NRCAM: variants seen among roughly 807,000 people sequenced by gnomAD.
The protein encoded by NRCAM is neuronal cell adhesion molecule.
NRCAM carries 83 observed loss-of-function variants against 156.5 expected under a neutral mutation model. The observed-to-expected ratio is 0.53, with a 90% CI of 0.44 to 0.64. The LOEUF (loss-of-function observed/expected upper bound fraction) is 0.64, where lower values mean the gene tolerates loss of function less well. NRCAM is among the 30% of genes least tolerant of loss of function. The pLI is 0.00. For missense variants in NRCAM, 1,417 were observed against 1,597.3 expected, an observed-to-expected ratio of 0.89 and a Z score of 1.92; for synonymous variants, 538 against 563.9, an observed-to-expected ratio of 0.95 and a Z score of 0.65.
chr7:108,297,816 C>A (rs771905254), intron 3 of NRCAM, among the ~76,000 whole-genome samples: 1 of 152,224 alleles, frequency 6.6e-6, no homozygotes, highest in Non-Finnish European at 1.5e-5. Context: ...TGTGTATATG[C>A]ACATGCGTAA....
At chr7:108,404,693 G>C (rs949260437) in intron 1 of NRCAM, among the ~76,000 whole-genome samples, 1 of 152,140 alleles carries the variant, frequency 6.6e-6, no homozygotes, top group Non-Finnish European at 1.5e-5. Flanking sequence ...AACTTAATGA[G>C]GTATGCAATT....
intron 1 of NRCAM, among the ~76,000 whole-genome samples, chr7:108,414,681 A>G (rs1321255350): frequency 6.6e-6 from 1 of 152,008 alleles, no homozygotes; most frequent in Admixed American, 6.5e-5. Flanking sequence ...CTCAGTGTAC[A>G]GGGCCCAGAA....
At chr7:108,276,264 T>G (rs1303602045) in intron 3 of NRCAM, among the ~76,000 whole-genome samples, 1 of 152,146 alleles carries the variant, frequency 6.6e-6, no homozygotes, top group African/African-American at 2.4e-5. Flanking sequence ...TGTTCCAGAG[T>G]TGAGTTCAAG....
At position 108,399,580 on chromosome 7, in the gene NRCAM, T is replaced by C. The variant is rs2099785877; in HGVS notation, c.-318A>G. 6.6e-6 allele frequency: 1 copy of C among 152,230 alleles called. No individual in the cohort carries two copies. The highest frequency in any genetic ancestry group is 2.1e-4 in the South Asian group (1 of 4,828). 9.4% of individuals were successfully genotyped at this position (152,230 alleles called of 1,614,324 possible). On this transcript the variant is annotated 5_prime_UTR_variant, in exon 2 of 33. Transcript: ENST00000379028. ...GGGGATAAAGAATGCTGAGAGAGAA[T>C]GTCACAAAGATTCCTGAAAAAGAAA...
intron 11 of NRCAM, among the ~76,000 whole-genome samples, chr7:108,221,472 G>T (rs190276747): frequency 1.7e-3 from 260 of 152,192 alleles, no homozygotes; most frequent in Admixed American, 7.3e-3. Flanking sequence ...TCAACAAGTG[G>T]ATAAAGAAAC....
intron 19 of NRCAM, among the ~76,000 whole-genome samples, chr7:108,189,969 A>C (rs2070067063): frequency 6.6e-6 from 1 of 152,210 alleles, no homozygotes; most frequent in East Asian, 1.9e-4. Flanking sequence ...TTTTCAAAGG[A>C]AACGAAAGCA....
chr7:108,394,754 TG>T (rs139181054), intron 2 of NRCAM, among the ~76,000 whole-genome samples: 4,076 of 152,344 alleles, frequency 0.027, 85 homozygotes, highest in African/African-American at 0.059. Flanking sequence ...TATGTTATGT[TG>T]GGTGAATAGA....
chr7:108,384,444 G>T (rs768013243), intron 2 of NRCAM, among the ~76,000 whole-genome samples: 1 of 152,090 alleles, frequency 6.6e-6, no homozygotes, highest in Non-Finnish European at 1.5e-5. Flanking sequence ...ATATGAATTT[G>T]AAGGTTGTAT....
At chr7:108,174,040 A>T (rs1347176292) in intron 28 of NRCAM, among the ~76,000 whole-genome samples, 1 of 152,166 alleles carries the variant, frequency 6.6e-6, no homozygotes. Flanking sequence ...GCTTTTAGTG[A>T]AATGCTCCAA....
At chr7:108,283,117 G>T (rs1312652997) in intron 3 of NRCAM, among the ~76,000 whole-genome samples, 1 of 152,220 alleles carries the variant, frequency 6.6e-6, no homozygotes, top group Non-Finnish European at 1.5e-5. Flanking sequence ...ATGTAAGAAT[G>T]TTGTGAGAAA....
At chr7:108,354,878 G>C (rs2154300379) in intron 2 of NRCAM, among the ~76,000 whole-genome samples, 1 of 151,512 alleles carries the variant, frequency 6.6e-6, no homozygotes. Flanking sequence ...TGGGCAACAA[G>C]AGCGAAACTC....
Position 108,350,945 on chromosome 7 carries a change from A to C in NRCAM, c.-173-38214T>G, listed in dbSNP as rs141159257. 3.3e-5 allele frequency among the ~76,000 whole-genome samples: 5 copies of C among 152,232 alleles called. No individual in the cohort carries two copies. In the East Asian group the frequency reaches 9.6e-4, roughly 29 times the overall value. Reference sequence around the variant, plus strand: ...ACACAAGTTTGTCTGTTTCATTCTTAATTCTTGGGAATGTCCCTCATATGC... The same window carrying C: ...ACACAAGTTTGTCTGTTTCATTCTTCATTCTTGGGAATGTCCCTCATATGC... On this transcript the variant is annotated intron_variant, in intron 2 of 32. Transcript: ENST00000379028.
chr7:108,262,258 T>C (rs952165857), intron 3 of NRCAM, among the ~76,000 whole-genome samples: 5 of 152,086 alleles, frequency 3.3e-5, no homozygotes, highest in African/African-American at 1.2e-4. Flanking sequence ...GCATCACCCA[T>C]GATTGGTCCC....
intron 2 of NRCAM, among the ~76,000 whole-genome samples, chr7:108,318,100 G>C (rs7795104): frequency 0.88 from 119,713 of 136,274 alleles, 52,751 homozygotes; most frequent in East Asian, 1. Context: ...GACTGGAGTG[G>C]AGTGGTGGGA....
At chr7:108,180,957 G>T (rs2063119772) in intron 24 of NRCAM, among the ~76,000 whole-genome samples, 1 of 152,140 alleles carries the variant, frequency 6.6e-6, no homozygotes, top group Non-Finnish European at 1.5e-5. Context: ...AGCCACAGGG[G>T]ATCCTCCACT....
chr7:108,215,659 G>A (rs186484806), intron 11 of NRCAM, among the ~76,000 whole-genome samples: 1 of 150,886 alleles, frequency 6.6e-6, no homozygotes, highest in African/African-American at 2.4e-5. Flanking sequence ...TTACCATTAT[G>A]TAATACCCTT....
chr7:108,352,729 A>G (rs987640306), intron 2 of NRCAM, among the ~76,000 whole-genome samples: 2 of 152,214 alleles, frequency 1.3e-5, no homozygotes, highest in African/African-American at 2.4e-5. Flanking sequence ...GGGGAAAAAA[A>G]TCTGTTCCTT....
intron 2 of NRCAM, among the ~76,000 whole-genome samples, chr7:108,363,243 A>G (rs1415283319): frequency 6.6e-6 from 1 of 152,088 alleles, no homozygotes; most frequent in African/African-American, 2.4e-5. Context: ...TTATGCAGAT[A>G]CTCCACCCTC....
chr7:108,276,560 G>A (rs1591366299), intron 3 of NRCAM, among the ~76,000 whole-genome samples: 1 of 150,288 alleles, frequency 6.7e-6, no homozygotes, highest in South Asian at 2.2e-4. Context: ...TGTAACTCCT[G>A]CTTTTTTTTT....
Sources: gnomAD v4.1 joint callset for allele counts (sites outside exome capture counted in the v4.1 genomes callset) on GRCh38, gnomAD v4.1.1 for gene constraint, MANE v1.5 for transcripts, NCBI Gene and HGNC (gene_info 2026-07-23, HGNC 2026-07-21) for gene names.